Variants in KCNJ12 observed in about 807,000 individuals in gnomAD.
The protein encoded by KCNJ12 is ATP-sensitive inward rectifier potassium channel 12.
A neutral mutation model predicts 22.3 loss-of-function variants in KCNJ12; 2 were observed. The observed-to-expected ratio is 0.09, with a 90% CI of 0.04 to 0.28. The LOEUF (loss-of-function observed/expected upper bound fraction) is 0.28. Ranked by LOEUF, KCNJ12 falls within the 10% of genes least tolerant of loss-of-function variation. KCNJ12 has a pLI of 1.00. For synonymous variants in KCNJ12, 117 were observed against 261.4 expected, an observed-to-expected ratio of 0.45 and a Z score of 5.33; for missense variants, 155 against 633.3, an observed-to-expected ratio of 0.24 and a Z score of 8.11.
At chr17:21,381,911 A>G (rs1904881487) in intron 1 of KCNJ12, among the ~76,000 whole-genome samples, 1 of 152,234 alleles carries the variant, frequency 6.6e-6, no homozygotes, top group Non-Finnish European at 1.5e-5. Context: ...GGGCTGCTTC[A>G]GCCAGGCCTG....
chr17:21,404,442 C>A (rs1390231486), intron 1 of KCNJ12, among the ~76,000 whole-genome samples: 2 of 152,262 alleles, frequency 1.3e-5, no homozygotes, highest in Non-Finnish European at 2.9e-5. Flanking sequence ...GACTTCTCAC[C>A]GTCTGCCCTG....
intron 2 of KCNJ12, among the ~76,000 whole-genome samples, chr17:21,411,085 A>G (rs1167674905): frequency 6.6e-6 from 1 of 152,310 alleles, no homozygotes; most frequent in East Asian, 1.9e-4. Context: ...CCTTCCGGTC[A>G]GTGCTTTCTT....
chr17:21,381,964 C>G (rs1904883168), intron 1 of KCNJ12, among the ~76,000 whole-genome samples: 1 of 152,202 alleles, frequency 6.6e-6, no homozygotes, highest in Non-Finnish European at 1.5e-5. Flanking sequence ...TGGTAGCCAG[C>G]ATTGTCAGCC....
intron 1 of KCNJ12, among the ~76,000 whole-genome samples, chr17:21,384,389 T>C (rs1905000918): frequency 6.6e-6 from 1 of 152,114 alleles, no homozygotes; most frequent in African/African-American, 2.4e-5. Context: ...GATTGCAGGA[T>C]TTGGTTTAAG....
At chr17:21,402,350 G>T (rs74546890) in intron 1 of KCNJ12, among the ~76,000 whole-genome samples, 1 of 152,006 alleles carries the variant, frequency 6.6e-6, no homozygotes, top group South Asian at 2.1e-4. Context: ...TCCTCAGCCT[G>T]TTTTTTTTTG....
At chr17:21,412,073 G>A (rs1906385177) in intron 2 of KCNJ12, among the ~76,000 whole-genome samples, 1 of 152,302 alleles carries the variant, frequency 6.6e-6, no homozygotes, top group Non-Finnish European at 1.5e-5. Context: ...GCTGTGTGAG[G>A]CTGAGGACTG....
intron 2 of KCNJ12, among the ~76,000 whole-genome samples, chr17:21,410,632 G>T (rs143441927): frequency 0.099 from 11,551 of 116,164 alleles, no homozygotes; most frequent in African/African-American, 0.17. Context: ...GTGCCGATTT[G>T]CAGCAGTCTA....
intron 1 of KCNJ12, among the ~76,000 whole-genome samples, chr17:21,388,061 C>A (rs1905121997): frequency 6.6e-6 from 1 of 152,156 alleles, no homozygotes; most frequent in African/African-American, 2.4e-5. Flanking sequence ...CTTGGCGTCT[C>A]CTTTGTTTTA....
At chr17:21,386,533 G>C (rs1905076034) in intron 1 of KCNJ12, among the ~76,000 whole-genome samples, 1 of 151,880 alleles carries the variant, frequency 6.6e-6, no homozygotes, top group African/African-American at 2.4e-5. Context: ...TTTTGATATG[G>C]AGTCTCGCTC....
intron 2 of KCNJ12, among the ~76,000 whole-genome samples, 172 bp from the exon 3 acceptor site, chr17:21,415,115 G>A (rs1184085324): frequency 1.3e-5 from 2 of 152,294 alleles, no homozygotes; most frequent in Non-Finnish European, 2.9e-5. Context: ...CGAAGGGGGT[G>A]GCCATTCGCA....
chr17:21,403,319 G>A (rs1905738433), intron 1 of KCNJ12, among the ~76,000 whole-genome samples: 1 of 152,310 alleles, frequency 6.6e-6, no homozygotes, highest in South Asian at 2.1e-4. Context: ...TTAAGCACAT[G>A]GGTCCGATTT....
chr17:21,400,997 A>G (rs1905589024), intron 1 of KCNJ12, among the ~76,000 whole-genome samples: 1 of 152,302 alleles, frequency 6.6e-6, no homozygotes, highest in Admixed American at 6.5e-5. Flanking sequence ...CGGTGTGTCC[A>G]GCATACATTT....
At chr17:21,401,398 C>T (rs1379010768) in intron 1 of KCNJ12, among the ~76,000 whole-genome samples, 2 of 152,266 alleles carry the variant, frequency 1.3e-5, no homozygotes, top group Non-Finnish European at 2.9e-5. Flanking sequence ...CCCCCAGGCT[C>T]GGCTGGAACC....
At chr17:21,386,511 A>G (rs1905074899) in intron 1 of KCNJ12, among the ~76,000 whole-genome samples, 1 of 151,818 alleles carries the variant, frequency 6.6e-6, no homozygotes, top group African/African-American at 2.4e-5. Flanking sequence ...TATTTTTTTT[A>G]ACTATATGTT....
At chr17:21,390,510 G>A (rs1343616595) in intron 1 of KCNJ12, among the ~76,000 whole-genome samples, 2 of 152,250 alleles carry the variant, frequency 1.3e-5, no homozygotes, top group East Asian at 1.9e-4. Flanking sequence ...CAAGGGAAGC[G>A]GGGCCGGTGG....
intron 1 of KCNJ12, among the ~76,000 whole-genome samples, chr17:21,384,503 G>T (rs1191978172): frequency 6.6e-6 from 1 of 152,154 alleles, no homozygotes; most frequent in Non-Finnish European, 1.5e-5. Flanking sequence ...GAGCTCAGAG[G>T]GTCTGGGGGG....
At chr17:21,387,934 G>T (rs1555558884) in intron 1 of KCNJ12, among the ~76,000 whole-genome samples, 1 of 152,142 alleles carries the variant, frequency 6.6e-6, no homozygotes, top group East Asian at 1.9e-4. Flanking sequence ...GGTCGTGCTG[G>T]TTGGTAGCCC....
chr17:21,383,226 G>A (rs1287121427), intron 1 of KCNJ12, among the ~76,000 whole-genome samples: 1 of 152,240 alleles, frequency 6.6e-6, no homozygotes, highest in African/African-American at 2.4e-5. Flanking sequence ...GCTGCAGCCG[G>A]GCCCGAGCTG....
chr17:21,399,003 A>G (rs931422602), intron 1 of KCNJ12, among the ~76,000 whole-genome samples: 4 of 152,310 alleles, frequency 2.6e-5, no homozygotes, highest in African/African-American at 7.2e-5. Flanking sequence ...TTAGGGGTGG[A>G]GCCCTGGCAG....
Sources: allele counts gnomAD v4.1 joint callset (sites outside exome capture counted in the v4.1 genomes callset), GRCh38; gene constraint gnomAD v4.1.1; transcripts MANE v1.5; gene names NCBI Gene and HGNC (gene_info 2026-07-23, HGNC 2026-07-21).